Variants in ANKRD44 observed in about 807,000 individuals in gnomAD.
The protein encoded by ANKRD44 is serine/threonine-protein phosphatase 6 regulatory ankyrin repeat subunit B.
In ANKRD44, 35 loss-of-function variants were observed where a neutral mutation model predicts 116.0. That is an observed-to-expected ratio of 0.30 (90% CI 0.23 to 0.40). ANKRD44 has a LOEUF of 0.40. Ranked by LOEUF, ANKRD44 falls within the 10% of genes least tolerant of loss-of-function variation. The pLI is 1.00. For missense variants in ANKRD44, 1,014 were observed against 1,242.6 expected, an observed-to-expected ratio of 0.82 and a Z score of 2.77; for synonymous variants, 435 against 461.8, an observed-to-expected ratio of 0.94 and a Z score of 0.74.
intron 2 of ANKRD44, among the ~76,000 whole-genome samples, chr2:197,166,057 G>A (rs1157943962): frequency 6.6e-6 from 1 of 152,120 alleles, no homozygotes; most frequent in Non-Finnish European, 1.5e-5. Flanking sequence ...CTTAAAAGTT[G>A]AACCCTAAAT....
At chr2:197,111,628 G>C (rs1279060680) in intron 8 of ANKRD44, among the ~76,000 whole-genome samples, 9 of 127,632 alleles carry the variant, frequency 7.1e-5, no homozygotes, top group Non-Finnish European at 1.4e-4. Flanking sequence ...GACAGAGTGA[G>C]ACTCTGTCTC....
chr2:197,208,676 T>C (rs1424925926), intron 1 of ANKRD44, among the ~76,000 whole-genome samples: 1 of 151,878 alleles, frequency 6.6e-6, no homozygotes, highest in Non-Finnish European at 1.5e-5. Flanking sequence ...GGTGGGCGCC[T>C]ATAGTCCCAG....
chr2:197,175,053 T>C (rs1467583101), intron 2 of ANKRD44, among the ~76,000 whole-genome samples: 1 of 152,246 alleles, frequency 6.6e-6, no homozygotes, highest in Non-Finnish European at 1.5e-5. Context: ...GGGCTCTTGT[T>C]GTTTTTTGAA....
At chr2:196,990,738 T>C in intron 27 of ANKRD44, 2 of 1,232,190 alleles carry the variant, frequency 1.6e-6, no homozygotes, top group Non-Finnish European at 2.0e-6. Context: ...GCCTACGTTG[T>C]TACTGCACAG....
At position 197,201,081 on chromosome 2, in the gene ANKRD44, A is replaced by T. The variant is rs1190212789; in HGVS notation, c.28-13975T>A. 1.3e-5 allele frequency among the ~76,000 whole-genome samples: 2 copies of T among 152,194 alleles called. No homozygotes were observed. The highest frequency in any genetic ancestry group is 4.8e-5 in the African/African-American group (2 of 41,442). ...GATTAATGTGCTTTTAGTCTCAAAG[A>T]CTAGAGATTAAAAAGGCATGGGTAA... On this transcript the variant is annotated intron_variant, in intron 1 of 27. Transcript: ENST00000282272. The surrounding 1 kb of genome is among the most constrained non-coding windows in gnomAD (Gnocchi z 4.0).
At chr2:197,241,179 A>C (rs2082083159) in intron 1 of ANKRD44, among the ~76,000 whole-genome samples, 1 of 152,196 alleles carries the variant, frequency 6.6e-6, no homozygotes, top group Non-Finnish European at 1.5e-5. Context: ...ACTCCCAGAA[A>C]AGCTAACATC....
At chr2:197,243,487 A>C (rs1377009242) in intron 1 of ANKRD44, among the ~76,000 whole-genome samples, 1 of 152,216 alleles carries the variant, frequency 6.6e-6, no homozygotes, top group African/African-American at 2.4e-5. Flanking sequence ...GCCTTCCTAA[A>C]ACTAACATAA....
chr2:197,072,554 T>C (rs79309238), intron 16 of ANKRD44, among the ~76,000 whole-genome samples: 284 of 152,344 alleles, frequency 1.9e-3, no homozygotes, highest in African/African-American at 6.7e-3. Context: ...ACAGTTGCTA[T>C]ATACTTAAAA....
intron 21 of ANKRD44, among the ~76,000 whole-genome samples, chr2:196,976,650 T>C (rs2075762398): frequency 6.6e-6 from 1 of 152,100 alleles, no homozygotes; most frequent in Non-Finnish European, 1.5e-5. Flanking sequence ...GTGGATTGCT[T>C]GAGCCCAGGA....
At chr2:197,070,704 C>CTG (rs74281028) in intron 16 of ANKRD44, among the ~76,000 whole-genome samples, 35 of 151,150 alleles carry the variant, frequency 2.3e-4, no homozygotes, top group East Asian at 1.2e-3. Flanking sequence ...CTCTCGCTCT[C>CTG]TGTGTGTGTG....
At chr2:197,025,447 C>A (rs2076573652) in intron 16 of ANKRD44, among the ~76,000 whole-genome samples, 180 bp from the exon 17 acceptor site, 1 of 152,160 alleles carries the variant, frequency 6.6e-6, no homozygotes, top group Non-Finnish European at 1.5e-5. Flanking sequence ...TAGATCACCT[C>A]AGCACTTGAA....
intron 16 of ANKRD44, among the ~76,000 whole-genome samples, chr2:197,073,682 T>C (rs914403462): frequency 2.6e-5 from 4 of 152,184 alleles, no homozygotes; most frequent in African/African-American, 7.2e-5. Context: ...AGAGAAGGCA[T>C]TCTATCTCCT....
chr2:197,133,939 T>TTTTC (rs1280389721), intron 4 of ANKRD44: 1 of 68,854 alleles, frequency 1.5e-5, no homozygotes. Flanking sequence ...TTTCTTTTCT[T>TTTTC]TTTCTTTCTT....
At chr2:197,281,091 C>G (rs2083251114) in intron 1 of ANKRD44, among the ~76,000 whole-genome samples, 1 of 151,310 alleles carries the variant, frequency 6.6e-6, no homozygotes, top group South Asian at 2.1e-4. Context: ...TTTGTTCATT[C>G]TCCTTGTGCA....
At chr2:197,045,231 T>C (rs891692714) in intron 16 of ANKRD44, among the ~76,000 whole-genome samples, 1 of 152,136 alleles carries the variant, frequency 6.6e-6, no homozygotes, top group Non-Finnish European at 1.5e-5. Flanking sequence ...CCTGAGCTGA[T>C]AATTCTGTCT....
At chr2:197,056,854 T>C (rs1044439024) in intron 16 of ANKRD44, among the ~76,000 whole-genome samples, 4 of 152,226 alleles carry the variant, frequency 2.6e-5, no homozygotes, top group African/African-American at 9.6e-5. Flanking sequence ...TATATGCATA[T>C]TAAATTAACC....
chr2:197,303,463 A>G (rs1456269071), intron 1 of ANKRD44, among the ~76,000 whole-genome samples: 1 of 152,160 alleles, frequency 6.6e-6, no homozygotes, highest in Admixed American at 6.5e-5. Context: ...AGCAAAACAA[A>G]ATTTTTTAAA....
chr2:197,275,021 G>A (rs945612651), intron 1 of ANKRD44, among the ~76,000 whole-genome samples: 1 of 152,082 alleles, frequency 6.6e-6, no homozygotes, highest in Non-Finnish European at 1.5e-5. Context: ...AGGACTGCTT[G>A]AATCTGACAT....
At chr2:197,085,241 A>G (rs1411122214) in intron 13 of ANKRD44, among the ~76,000 whole-genome samples, 23 of 152,200 alleles carry the variant, frequency 1.5e-4, no homozygotes, top group Admixed American at 1.5e-3. Context: ...ATTAGATTGC[A>G]TATGTTTTAA....
Sources: gnomAD v4.1 joint callset for allele counts (sites outside exome capture counted in the v4.1 genomes callset) on GRCh38, gnomAD v4.1.1 for gene constraint, Gnocchi (gnomAD v3.1) non-coding constraint, MANE v1.5 for transcripts, NCBI Gene and HGNC (gene_info 2026-07-23, HGNC 2026-07-21) for gene names.